Variants in NAA38 observed in about 807,000 individuals in gnomAD.
NAA38 encodes N-alpha-acetyltransferase 38, NatC auxiliary subunit.
Under a neutral mutation model 12.6 loss-of-function variants are expected in NAA38, and 15 were observed. The observed-to-expected ratio is 1.19, with a 90% CI of 0.79 to 1.83. The LOEUF (loss-of-function observed/expected upper bound fraction) is 1.83, where lower values mean the gene tolerates loss of function less well. NAA38 is among the 40% of genes most tolerant of loss of function. The pLI, the probability that NAA38 is intolerant of heterozygous loss-of-function variation, is 0.00. For synonymous variants in NAA38, 88 were observed against 69.9 expected (o/e 1.26, Z -1.29); for missense variants, 183 against 171.7 (o/e 1.07, Z -0.37).
chr17:7,884,206 G>A (rs999249792), intron 1 of NAA38, among the ~76,000 whole-genome samples: 5 of 151,452 alleles, frequency 3.3e-5, no homozygotes, highest in Non-Finnish European at 7.4e-5. Flanking sequence ...GTAACAGGGA[G>A]GAGAATGGGG....
intron 2 of NAA38, chr17:7,877,038 T>C: frequency 5.1e-6 from 2 of 388,894 alleles, no homozygotes; most frequent in African/African-American, 2.2e-5. Context: ...GTACTTTGCT[T>C]ACACATTTTT....
chr17:7,871,791 A>C (rs1967090691), intron 2 of NAA38, among the ~76,000 whole-genome samples: 2 of 152,244 alleles, frequency 1.3e-5, no homozygotes, highest in South Asian at 4.1e-4. Flanking sequence ...AGTAGCTGGG[A>C]ATACAAGCAC....
intron 2 of NAA38, among the ~76,000 whole-genome samples, chr17:7,881,796 C>G (rs531211984): frequency 6.7e-6 from 1 of 150,120 alleles, no homozygotes; most frequent in South Asian, 2.2e-4. Context: ...GTAGACAAAC[C>G]GAGAGATGCA....
chr17:7,877,609 AAC>A (rs1302159347), intron 2 of NAA38, among the ~76,000 whole-genome samples: 1 of 152,190 alleles, frequency 6.6e-6, no homozygotes, highest in African/African-American at 2.4e-5. Flanking sequence ...TGCTGTTACA[AAC>A]AGTGTTGTAA....
chr17:7,857,731 T>G, upstream of NAA38: 1 of 1,282,288 alleles, frequency 7.8e-7, no homozygotes, highest in Non-Finnish European at 9.9e-7. Flanking sequence ...AACTGGAATT[T>G]AGCGAGAATA....
rs191576487 is a variant in NAA38 at position 7,863,504 on chromosome 17, G to A, written c.3+2987C>T. On this transcript the variant is annotated intron_variant, in intron 3 of 4. Transcript: ENST00000576861. ...TATGTTCCTTGTAGGAAGCTTGCCT[G>A]CTCACTGGGATAAAGCATGCACACA... is the stretch of plus-strand genomic sequence containing the variant. 2.6e-5 allele frequency: 4 copies of A among 152,298 alleles called. No individual in the cohort carries two copies. In the East Asian group the frequency reaches 7.7e-4, roughly 29 times the overall value. 9.4% of individuals were successfully genotyped at this position (152,298 alleles called of 1,614,324 possible).
intron 2 of NAA38, among the ~76,000 whole-genome samples, chr17:7,879,886 G>A (rs1002252615): frequency 7.9e-5 from 12 of 151,988 alleles, no homozygotes; most frequent in African/African-American, 2.9e-4. Context: ...AAGGAGAGAT[G>A]CAAGAACTGA....
intron 2 of NAA38, among the ~76,000 whole-genome samples, chr17:7,868,409 ATGGGATATTCTT>A (rs1201227137): frequency 6.6e-6 from 1 of 152,222 alleles, no homozygotes; most frequent in Non-Finnish European, 1.5e-5. Flanking sequence ...CAAGGTATGC[ATGGGATATTCTT>A]AGAAGAAATC....
At chr17:7,858,862 G>A, upstream of NAA38, 1 of 1,484,006 alleles carries the variant, frequency 6.7e-7, no homozygotes, top group African/African-American at 1.4e-5. Flanking sequence ...AGAAGGAATG[G>A]GGAATCCCAG....
intron 1 of NAA38, 49 bp downstream of exon 1, chr17:7,857,334 T>C: frequency 6.2e-7 from 1 of 1,612,780 alleles, no homozygotes; most frequent in Non-Finnish European, 8.5e-7. Flanking sequence ...ACCCCCTCCA[T>C]CTTGCTGCTT....
rs56289148 is a variant in NAA38, at chr17:7,866,253, ATTTTTTTT to A, written c.3+230_3+237del. Among the ~76,000 whole-genome samples the A allele has an allele frequency of 2.3e-4, 21 of 90,592 alleles. No homozygotes were observed. In the South Asian group the frequency reaches 3.0e-3, roughly 13 times the overall value. 59.4% of individuals were successfully genotyped at this position (90,592 alleles called of 152,430 possible). On this transcript the variant is annotated intron_variant, in intron 3 of 4. Transcript: ENST00000576861. ...AGATGCCCGCCACCAAGCCCGGCTA[ATTTTTTTT>A]TTTTTTTTTTTTTTTTTTTGGTATT...
At chr17:7,864,335 T>C (rs7504002) in intron 3 of NAA38, 147,600 of 152,354 alleles carry the variant, frequency 0.97, 71,529 homozygotes, top group East Asian at 1. Context: ...ATAAGTGAAG[T>C]GAATCCATCA....
intron 2 of NAA38, among the ~76,000 whole-genome samples, chr17:7,872,014 A>G (rs543764422): frequency 7.9e-5 from 12 of 152,240 alleles, no homozygotes; most frequent in Admixed American, 5.2e-4. Flanking sequence ...CCCTTCCAAT[A>G]ATTTTGTAAG....
At chr17:7,857,904 T>C (rs1035816784), upstream of NAA38, 140 of 1,412,824 alleles carry the variant, frequency 9.9e-5, no homozygotes, top group Non-Finnish European at 1.2e-4. Flanking sequence ...TTGATCCTTA[T>C]ATGCCCCACG....
intron 1 of NAA38, 23 bp from the exon 2 acceptor site, chr17:7,857,221 TCAGACCGCGCAGCCCAGGC>T: frequency 4.3e-6 from 7 of 1,612,390 alleles, no homozygotes; most frequent in Non-Finnish European, 5.9e-6. Flanking sequence ...TAACAAGCGC[TCAGACCGCGCAGCCCAGGC>T]TGCCCGCCCG....
At chr17:7,859,818 T>A, upstream of NAA38, 1 of 568,006 alleles carries the variant, frequency 1.8e-6, no homozygotes, top group Non-Finnish European at 3.1e-6. Flanking sequence ...GAATTAATCT[T>A]TGGGAATGAT....
At chr17:7,881,631 G>A (rs1472378761) in intron 2 of NAA38, among the ~76,000 whole-genome samples, 1 of 151,226 alleles carries the variant, frequency 6.6e-6, no homozygotes, top group East Asian at 2.0e-4. Context: ...AGCCTGAAAC[G>A]GTGGGATAGC....
intron 2 of NAA38, among the ~76,000 whole-genome samples, chr17:7,871,587 C>T (rs530373420): frequency 2.6e-5 from 4 of 152,262 alleles, no homozygotes; most frequent in African/African-American, 9.6e-5. Flanking sequence ...ATCCTGGAGC[C>T]AGTACCCGAC....
chr17:7,874,040 C>CA (rs1285418594), intron 2 of NAA38, among the ~76,000 whole-genome samples: 1 of 152,048 alleles, frequency 6.6e-6, no homozygotes, highest in Non-Finnish European at 1.5e-5. Flanking sequence ...CAAAGTGATA[C>CA]AAGGCCAGGG....
Sources: allele counts gnomAD v4.1 joint callset (sites outside exome capture counted in the v4.1 genomes callset), GRCh38; gene constraint gnomAD v4.1.1; transcripts MANE v1.5; gene names NCBI Gene and HGNC (gene_info 2026-07-23, HGNC 2026-07-21).